Variants in P2RY8 observed in about 807,000 individuals in gnomAD.
The protein encoded by P2RY8 is S-geranylgeranyl-glutathione receptor P2RY8.
P2RY8 carries 6 observed loss-of-function variants against 10.0 expected under a neutral mutation model. The ratio of observed to expected loss-of-function variants is 0.60; its 90% CI spans 0.33 to 1.19. The LOEUF (loss-of-function observed/expected upper bound fraction) is 1.19, where lower values mean the gene tolerates loss of function less well. Ranked by LOEUF, P2RY8 falls within the 50% of genes most tolerant of loss-of-function variation. The pLI is 0.04. For synonymous variants in P2RY8, 276 were observed against 252.5 expected, an observed-to-expected ratio of 1.09 and a Z score of -0.88; for missense variants, 456 against 542.0, an observed-to-expected ratio of 0.84 and a Z score of 1.58.
At chrX:1,516,772 G>A (rs28708621) in intron 1 of P2RY8, among the ~76,000 whole-genome samples, 121,031 of 143,928 alleles carry the variant, frequency 0.84, 51,077 homozygotes, top group East Asian at 0.98. Context: ...AGGAGATGAG[G>A]ACACAGACAC....
At chrX:1,478,434 G>C (rs1225055337) in intron 1 of P2RY8, among the ~76,000 whole-genome samples, 2 of 152,036 alleles carry the variant, frequency 1.3e-5, no homozygotes, top group South Asian at 2.1e-4. Context: ...AAGAGAGTTG[G>C]TGGTTTTCAA....
chrX:1,499,833 A>G (rs1229519014), intron 1 of P2RY8, among the ~76,000 whole-genome samples: 1 of 149,738 alleles, frequency 6.7e-6, no homozygotes, highest in Non-Finnish European at 1.5e-5. Context: ...AATTTTTTGA[A>G]TCTGTTTTTT....
Position 1,463,594 on chromosome X carries a change from C to T in P2RY8, c.*1885G>A, listed in dbSNP as rs2091618487. The T allele has an allele frequency of 4.3e-6, 1 of 233,010 alleles. No homozygotes were observed. The highest frequency in any genetic ancestry group is 6.0e-5 in the East Asian group (1 of 16,556). 14.4% of individuals were successfully genotyped at this position (233,010 alleles called of 1,614,324 possible). A position where few individuals can be genotyped will look rare whatever the true frequency, so the allele number is the denominator to read the frequency against. ...CTTAAGTAATTACACATGCAAAGTT[C>T]CTTATTACCGAATAAAATCTATAAT... On this transcript the variant is annotated 3_prime_UTR_variant, in exon 2 of 2. Transcript: ENST00000381297.
chrX:1,505,817 A>T (rs1472751210), intron 1 of P2RY8, among the ~76,000 whole-genome samples: 1 of 151,874 alleles, frequency 6.6e-6, no homozygotes, highest in African/African-American at 2.4e-5. Flanking sequence ...AAAACACAAA[A>T]AACAAAAAAC....
At chrX:1,485,435 AG>A (rs1235845713) in intron 1 of P2RY8, among the ~76,000 whole-genome samples, 5 of 152,120 alleles carry the variant, frequency 3.3e-5, no homozygotes, top group African/African-American at 1.2e-4. Flanking sequence ...CACTGCGCCC[AG>A]CCCCTTAATG....
At position 1,518,716 on chromosome X, in the gene P2RY8, T is replaced by C. The variant is rs769717916; in HGVS notation, c.-25+18205A>G. ...CCCCTCAAATCTGTTTGGTTCTCCC[T>C]GGCCGCCAATATTCTCTCTAATCCT... is the stretch of plus-strand genomic sequence containing the variant. On this transcript the variant is annotated intron_variant, in intron 1 of 1. Transcript: ENST00000381297. 1.9e-3 allele frequency among the ~76,000 whole-genome samples: 289 copies of C among 152,006 alleles called. 2 individuals carry two copies. Among genetic ancestry groups the C allele is most frequent in the African/African-American group, 6.6e-3 (272 of 41,472 alleles).
chrX:1,535,754 C>A (rs1251038381), intron 1 of P2RY8, among the ~76,000 whole-genome samples: 1 of 151,414 alleles, frequency 6.6e-6, no homozygotes, highest in Non-Finnish European at 1.5e-5. Context: ...CACACACAAA[C>A]CCTTTTCTTT....
At position 1,465,816 on chromosome X, in the gene P2RY8, G is replaced by A. The variant is rs758895891; in HGVS notation, c.743C>T (p.Thr248Ile). 6.2e-7 allele frequency: 1 copy of A among 1,613,336 alleles called. No homozygotes were observed. The highest frequency in any genetic ancestry group is 8.5e-7 in the Non-Finnish European group (1 of 1,179,812). The change falls in exon 2 of 2, where the codon ACC becomes ATC. Residue 248 changes from threonine to isoleucine, a missense_variant. Transcript: ENST00000381297. Reference protein sequence around the residue: ...LAAVVLLAFVTCFAPNNFVLL... With the variant: ...LAAVVLLAFVICFAPNNFVLL... ...CACGAAGTTGTTGGGGGCGAAGCAG[G>A]TGACAAAGGCCAGCAAGACCACCGC...
chrX:1,520,918 C>A lies in P2RY8; in HGVS notation c.-25+16003G>T, dbSNP rs139429966. Among the ~76,000 whole-genome samples the A allele has an allele frequency of 4.6e-3, 704 of 151,484 alleles. 3 individuals are homozygous for A. Among genetic ancestry groups the A allele is most frequent in the Non-Finnish European group, 7.3e-3 (493 of 67,826 alleles). On this transcript the variant is annotated intron_variant, in intron 1 of 1. Transcript: ENST00000381297. ...CCCAATAATCTCCTTGATCCCCAATCATCTCCTTGGTACCTAATTATCTTC... is the reference window on the plus strand; with the variant it reads ...CCCAATAATCTCCTTGATCCCCAATAATCTCCTTGGTACCTAATTATCTTC...
chrX:1,529,894 G>T (rs2092461105), intron 1 of P2RY8, among the ~76,000 whole-genome samples: 1 of 151,852 alleles, frequency 6.6e-6, no homozygotes, highest in Non-Finnish European at 1.5e-5. Flanking sequence ...TCTGAGGACA[G>T]TTCTGGTTGT....
chrX:1,531,538 C>T (rs1423120994), intron 1 of P2RY8, among the ~76,000 whole-genome samples: 1 of 152,118 alleles, frequency 6.6e-6, no homozygotes, highest in Non-Finnish European at 1.5e-5. Context: ...CTGGACAGCA[C>T]ATTGCCATTC....
intron 1 of P2RY8, among the ~76,000 whole-genome samples, chrX:1,535,349 G>A (rs1362644462): frequency 1.3e-5 from 2 of 151,284 alleles, no homozygotes; most frequent in East Asian, 1.9e-4. Flanking sequence ...CGCCACACTC[G>A]GCTAATTTTG....
At chrX:1,515,963 A>G (rs1293433006) in intron 1 of P2RY8, among the ~76,000 whole-genome samples, 3 of 121,378 alleles carry the variant, frequency 2.5e-5, no homozygotes, top group African/African-American at 8.7e-5. Context: ...GTGGTGGATC[A>G]CCTGAGGTCA....
chrX:1,534,346 C>G (rs1337688931), intron 1 of P2RY8, among the ~76,000 whole-genome samples: 1 of 150,906 alleles, frequency 6.6e-6, no homozygotes, highest in African/African-American at 2.4e-5. Context: ...TACTGCATCA[C>G]TAGGGAGCGA....
intron 1 of P2RY8, among the ~76,000 whole-genome samples, chrX:1,478,398 G>C (rs1227140685): frequency 1.3e-5 from 2 of 152,086 alleles, no homozygotes; most frequent in African/African-American, 4.8e-5. Context: ...GTGACAGACA[G>C]GTCCTTTTGG....
chrX:1,465,457 C>G lies in P2RY8; in HGVS notation c.*22G>C, dbSNP rs369508063. ...GGATCTCCAAGCTGCGCCCCCGGCT[C>G]TCCAAGCTGCGCCCCCGGGACTCAG... On this transcript the variant is annotated 3_prime_UTR_variant, in exon 2 of 2. Transcript: ENST00000381297. The G allele has an allele frequency of 3.0e-5, 48 of 1,580,042 alleles. No homozygotes were observed. Among genetic ancestry groups the G allele is most frequent in the African/African-American group, 4.1e-5 (3 of 73,848 alleles).
chrX:1,511,593 C>CACT (rs1427307742), intron 1 of P2RY8, among the ~76,000 whole-genome samples: 9 of 152,148 alleles, frequency 5.9e-5, no homozygotes, highest in Non-Finnish European at 1.3e-4. Context: ...GATCACAGCC[C>CACT]ACTGCAGCCT....
chrX:1,516,590 C>G (rs113107658), intron 1 of P2RY8, among the ~76,000 whole-genome samples: 8,403 of 142,964 alleles, frequency 0.059, 767 homozygotes, highest in African/African-American at 0.2. Flanking sequence ...GAGAAGATGG[C>G]GTCTCCAAGT....
chrX:1,493,929 C>G (rs1419070755), intron 1 of P2RY8, among the ~76,000 whole-genome samples: 1 of 152,132 alleles, frequency 6.6e-6, no homozygotes. Context: ...TTTTGCAGCA[C>G]TCTGGTGAGC....
Sources: allele counts gnomAD v4.1 joint callset (sites outside exome capture counted in the v4.1 genomes callset), GRCh38; gene constraint gnomAD v4.1.1; transcripts MANE v1.5; gene names NCBI Gene and HGNC (gene_info 2026-07-23, HGNC 2026-07-21).